NEDD9: variants seen among roughly 807,000 people sequenced by gnomAD.
The protein encoded by NEDD9 is neural precursor cell expressed, developmentally down-regulated 9.
NEDD9 carries 26 observed loss-of-function variants against 76.6 expected under a neutral mutation model. The observed-to-expected ratio is 0.34, with a 90% confidence interval of 0.25 to 0.47. NEDD9 has a LOEUF of 0.47. Ranked by LOEUF, NEDD9 falls within the 20% of genes least tolerant of loss-of-function variation. The pLI, the probability that NEDD9 is intolerant of heterozygous loss-of-function variation, is 1.00. For missense variants in NEDD9, 937 were observed against 1,058.5 expected, an observed-to-expected ratio of 0.89 and a Z score of 1.59; for synonymous variants, 392 against 414.2, an observed-to-expected ratio of 0.95 and a Z score of 0.65.
intron 5 of NEDD9, among the ~76,000 whole-genome samples, 167 bp downstream of exon 5, chr6:11,189,797 C>T (rs1561778656): frequency 6.6e-6 from 1 of 152,152 alleles, no homozygotes; most frequent in Non-Finnish European, 1.5e-5. Flanking sequence ...ACTCTCAGCC[C>T]AGCGTTCTTA....
chr6:11,321,556 ACTCAT>A (rs1271081236), intron 2 of NEDD9, among the ~76,000 whole-genome samples: 1 of 152,124 alleles, frequency 6.6e-6, no homozygotes, highest in African/African-American at 2.4e-5. Context: ...TGAAACTCAA[ACTCAT>A]CTCAGTCATT....
intron 3 of NEDD9, among the ~76,000 whole-genome samples, chr6:11,246,244 G>A (rs1211624551): frequency 1.3e-5 from 2 of 152,326 alleles, no homozygotes; most frequent in Middle Eastern, 3.4e-3. Context: ...TGCCATTTCT[G>A]TACTGGCTCG....
chr6:11,250,199 GC>G (rs1759889992), intron 3 of NEDD9, among the ~76,000 whole-genome samples: 1 of 152,166 alleles, frequency 6.6e-6, no homozygotes, highest in Admixed American at 6.5e-5. Flanking sequence ...CTCCCCACTG[GC>G]CCTTGTCCTT....
intron 2 of NEDD9, among the ~76,000 whole-genome samples, chr6:11,334,280 G>A (rs558413118): frequency 6.6e-6 from 1 of 152,242 alleles, no homozygotes; most frequent in East Asian, 1.9e-4. Flanking sequence ...TAATTAAGGG[G>A]CGATTTTGTT....
At chr6:11,188,361 G>T in intron 5 of NEDD9, 54 bp from the exon 6 acceptor site, 2 of 1,395,516 alleles carry the variant, frequency 1.4e-6, no homozygotes, top group Non-Finnish European at 2.0e-6. Context: ...ATTCACTTAT[G>T]CTAACAATTT....
intron 3 of NEDD9, among the ~76,000 whole-genome samples, chr6:11,290,035 C>T (rs142629377): frequency 5.3e-5 from 8 of 152,128 alleles, no homozygotes; most frequent in East Asian, 1.9e-4. Context: ...CTTGTGTAGA[C>T]GGTTCCACGG....
chr6:11,309,525 G>T (rs769747649), intron 2 of NEDD9, among the ~76,000 whole-genome samples: 1 of 152,164 alleles, frequency 6.6e-6, no homozygotes, highest in Non-Finnish European at 1.5e-5. Context: ...GGGACTACAG[G>T]CTCACAGAAC....
intron 3 of NEDD9, among the ~76,000 whole-genome samples, chr6:11,301,920 T>C (rs1333656715): frequency 2.0e-5 from 3 of 152,022 alleles, no homozygotes; most frequent in African/African-American, 7.3e-5. Context: ...GCAGGAAAGA[T>C]CTAAAATCGA....
intron 1 of NEDD9, among the ~76,000 whole-genome samples, chr6:11,219,373 ACT>A (rs1407512462): frequency 1.3e-5 from 2 of 152,184 alleles, no homozygotes; most frequent in Non-Finnish European, 2.9e-5. Context: ...CCCCACTAAG[ACT>A]GATAGCATCA....
chr6:11,260,917 T>C, intron 3 of NEDD9, among the ~76,000 whole-genome samples: 1 of 151,566 alleles, frequency 6.6e-6, no homozygotes, highest in Non-Finnish European at 1.5e-5. Flanking sequence ...TGTGTGTGTG[T>C]GTGTTGTAAA....
At position 11,191,174 on chromosome 6, in the gene NEDD9, T is replaced by C. The variant is rs1477111856; in HGVS notation, c.695A>G (p.Asp232Gly). The C allele has an allele frequency of 6.2e-7, 1 of 1,609,892 alleles. No individual in the cohort carries two copies. The highest frequency in any genetic ancestry group is 8.5e-7 in the Non-Finnish European group (1 of 1,178,008). The change falls in exon 5 of 7, where the codon GAT (aspartate) becomes GGT (glycine). Residue 232 changes from aspartate to glycine, a missense_variant. Transcript: ENST00000379446. ...GTCTTTTTCCCTAAGCCCTGCTTCA[T>C]CCCGGCAAGCAGAGGGCGGAATGGC... ...VYAIPPSACR[D>G]EAGLREKDYD...
intron 1 of NEDD9, among the ~76,000 whole-genome samples, chr6:11,356,545 A>G (rs1010839578): frequency 6.6e-6 from 1 of 152,172 alleles, no homozygotes; most frequent in African/African-American, 2.4e-5. Flanking sequence ...AGCTTGTTAA[A>G]ACACAGATGG....
At chr6:11,234,168 A>T (rs903607741), upstream of NEDD9, among the ~76,000 whole-genome samples, 10 of 152,320 alleles carry the variant, frequency 6.6e-5, no homozygotes, top group African/African-American at 2.2e-4. Flanking sequence ...TAGAGCAAAA[A>T]TAAGCCTGAG....
rs1207611892 is a variant in NEDD9, at chr6:11,190,298, T to C, written c.1571A>G (p.Lys524Arg). ...NILAINKPQN[K>R]CDDLDRFVMV... is the part of the protein sequence containing the mutation. The stretch of plus-strand genomic sequence containing the variant: ...CACAAACCGGTCCAGATCGTCACAC[T>C]TGTTCTGGGGCTTGTTGATGGCCAA... Residue 524 changes from lysine to arginine, a missense_variant, in exon 5 of 7, where the codon AAG becomes AGG. Lys to Arg is a conservative substitution (Grantham distance 26). Coordinates refer to ENST00000379446, the MANE Select transcript of NEDD9 (RefSeq NM_006403.4). This position sits in a 1 kb window ranked among gnomAD's most constrained non-coding sequence, Gnocchi z 5.8. 18 of 1,614,194 alleles carry C rather than the reference T, an allele frequency of 1.1e-5. No homozygotes were observed. The highest frequency in any genetic ancestry group is 1.5e-5 in the Non-Finnish European group (18 of 1,180,030).
At chr6:11,256,567 C>T (rs1233199134) in intron 3 of NEDD9, among the ~76,000 whole-genome samples, 1 of 152,124 alleles carries the variant, frequency 6.6e-6, no homozygotes, top group Non-Finnish European at 1.5e-5. Context: ...CTCAAGTGAT[C>T]CTCCCACCTC....
rs111742510 is a variant in NEDD9, at chr6:11,248,226, A to G, written c.13-34499T>C. On this transcript the variant is annotated intron_variant, in intron 3 of 3. Coordinates refer to the NEDD9 transcript ENST00000397378. ...ATAAAAACAATAGATTTGAGAAGGA[A>G]AAAAAAAAGAAAGAAAGAAAGGAAA... is the stretch of plus-strand genomic sequence containing the variant. Among the ~76,000 whole-genome samples, 238 of 151,424 alleles carry G rather than the reference A, an allele frequency of 1.6e-3. 1 individual carries two copies. The highest frequency in any genetic ancestry group is 5.2e-3 in the African/African-American group (215 of 41,360).
At chr6:11,224,021 C>T (rs1251471377) in intron 1 of NEDD9, among the ~76,000 whole-genome samples, 1 of 152,198 alleles carries the variant, frequency 6.6e-6, no homozygotes, top group Non-Finnish European at 1.5e-5. Context: ...TTCAAATATC[C>T]TTCCCTTTGT....
chr6:11,215,305 GAC>G (rs922040035), intron 1 of NEDD9, among the ~76,000 whole-genome samples: 1 of 152,206 alleles, frequency 6.6e-6, no homozygotes, highest in Non-Finnish European at 1.5e-5. Flanking sequence ...GGAAGTGTGA[GAC>G]ACAGAGAGGT....
At chr6:11,367,850 G>A (rs1762795833) in intron 1 of NEDD9, among the ~76,000 whole-genome samples, 1 of 152,132 alleles carries the variant, frequency 6.6e-6, no homozygotes, top group Non-Finnish European at 1.5e-5. Flanking sequence ...AGCCATTTCG[G>A]CACCTTCTAC....
Sources: allele counts gnomAD v4.1 joint callset (sites outside exome capture counted in the v4.1 genomes callset), GRCh38; gene constraint gnomAD v4.1.1; non-coding constraint Gnocchi (gnomAD v3.1); transcripts MANE v1.5; gene names NCBI Gene and HGNC (gene_info 2026-07-23, HGNC 2026-07-21).